FBN2: variants seen among roughly 807,000 people sequenced by gnomAD.
FBN2 encodes the protein fibrillin 2.
FBN2 carries 105 observed loss-of-function variants against 355.6 expected under a neutral mutation model. That is an observed-to-expected ratio of 0.30 (90% CI 0.25 to 0.35). The LOEUF (loss-of-function observed/expected upper bound fraction) is 0.35, where lower values mean the gene tolerates loss of function less well. Ranked by LOEUF, FBN2 falls within the 10% of genes least tolerant of loss-of-function variation. The pLI is 1.00. For missense variants in FBN2, 3,280 were observed against 3,758.7 expected (o/e 0.87, Z 3.33); for synonymous variants, 1,350 against 1,301.2 (o/e 1.04, Z -0.81).
At chr5:128,281,926 G>A (rs1487041994) in intron 55 of FBN2, among the ~76,000 whole-genome samples, 6 of 152,018 alleles carry the variant, frequency 3.9e-5, no homozygotes, top group Non-Finnish European at 5.9e-5. Context: ...TCCTGACCTC[G>A]TGATCCGCCT....
At chr5:128,455,987 C>CAACAAAAAAAA (rs1352635802) in intron 6 of FBN2, among the ~76,000 whole-genome samples, 13 of 5,288 alleles carry the variant, frequency 2.5e-3, no homozygotes, top group Non-Finnish European at 2.6e-3. Flanking sequence ...GGAGGGTTAG[C>CAACAAAAAAAA]AACAAAAAAA....
chr5:128,307,643 A>T (rs987025413), intron 41 of FBN2, among the ~76,000 whole-genome samples: 1 of 151,986 alleles, frequency 6.6e-6, no homozygotes, highest in African/African-American at 2.4e-5. Context: ...TAGGTAAACA[A>T]TGTATAATGA....
intron 23 of FBN2, among the ~76,000 whole-genome samples, chr5:128,348,044 C>T (rs1751233760): frequency 6.6e-6 from 1 of 152,124 alleles, no homozygotes; most frequent in Non-Finnish European, 1.5e-5. Context: ...GTCTCAGCCT[C>T]CCAAAGTGCT....
intron 23 of FBN2, among the ~76,000 whole-genome samples, chr5:128,347,789 T>G (rs992684181): frequency 6.6e-6 from 1 of 152,108 alleles, no homozygotes. Context: ...AAATGCTTTT[T>G]TTTTTTTGAG....
chr5:128,456,616 C>T (rs982075887), intron 6 of FBN2, among the ~76,000 whole-genome samples: 2 of 152,042 alleles, frequency 1.3e-5, no homozygotes, highest in African/African-American at 2.4e-5. Flanking sequence ...CTCTAGTCTC[C>T]TTGAGTGACA....
At chr5:128,405,226 T>C (rs572326599) in intron 8 of FBN2, among the ~76,000 whole-genome samples, 1 of 152,222 alleles carries the variant, frequency 6.6e-6, no homozygotes, top group Non-Finnish European at 1.5e-5. Flanking sequence ...ATACCTATTT[T>C]GGGACTTAAA....
intron 5 of FBN2, among the ~76,000 whole-genome samples, chr5:128,491,716 A>C (rs932474101): frequency 2.0e-5 from 3 of 152,224 alleles, no homozygotes; most frequent in African/African-American, 4.8e-5. Flanking sequence ...CAACAAAAAC[A>C]AGTCAACAAA....
intron 18 of FBN2, 112 bp from the exon 19 acceptor site, chr5:128,361,960 A>G (rs1172580045): frequency 6.4e-6 from 7 of 1,096,830 alleles, no homozygotes; most frequent in Non-Finnish European, 9.7e-6. Context: ...TCTCTGTGAC[A>G]TAGTCTCTGT....
rs374605983 is a variant in FBN2, at chr5:128,318,363, G to T, written c.4595-92C>A. 2.9e-5 allele frequency: 38 copies of T among 1,306,954 alleles called. 1 individual carries two copies. In the South Asian group the frequency reaches 4.4e-4, roughly 15 times the overall value. 81.0% of individuals were successfully genotyped at this position (1,306,954 alleles called of 1,614,324 possible). A position where few individuals can be genotyped will look rare whatever the true frequency, so the allele number is the denominator to read the frequency against. On this transcript the variant is annotated intron_variant, in intron 35 of 64. Coordinates refer to ENST00000262464, the MANE Select transcript of FBN2 (RefSeq NM_001999.4). The stretch of plus-strand genomic sequence containing the variant: ...AGAATTTGGTGGAATTTTTGCAAGT[G>T]AGTAGATTAAAGATCACTAGGAAAG...
chr5:128,455,725 C>A (rs1271169244), intron 6 of FBN2, among the ~76,000 whole-genome samples: 2 of 151,902 alleles, frequency 1.3e-5, no homozygotes, highest in African/African-American at 4.8e-5. Context: ...CTCCCCGCAG[C>A]TAAGGGAGGT....
intron 3 of FBN2, among the ~76,000 whole-genome samples, chr5:128,529,465 T>C (rs930423527): frequency 2.6e-5 from 4 of 152,122 alleles, no homozygotes; most frequent in African/African-American, 9.7e-5. Context: ...GGATGATGAT[T>C]GGGAGGGTTA....
At chr5:128,480,000 A>C (rs1453948228) in intron 5 of FBN2, among the ~76,000 whole-genome samples, 2,280 of 77,766 alleles carry the variant, frequency 0.029, 17 homozygotes, top group Non-Finnish European at 0.042. Context: ...ATATATATAT[A>C]TATATATATA....
Position 128,289,564 on chromosome 5 carries a change from C to A in FBN2, c.6512-312G>T, listed in dbSNP as rs181885265. Among the ~76,000 whole-genome samples the A allele has an allele frequency of 5.3e-5, 8 of 151,816 alleles. No individual in the cohort carries two copies. In the East Asian group the frequency reaches 1.4e-3, roughly 26 times the overall value. On this transcript the variant is annotated intron_variant, in intron 51 of 64. Transcript: ENST00000262464. ...GATCGCACCACTGCATTCCAGCGGGCAACAGAGTGAGACTCCACCTCAAAA... is the reference window on the plus strand; with the variant it reads ...GATCGCACCACTGCATTCCAGCGGGAAACAGAGTGAGACTCCACCTCAAAA...
intron 6 of FBN2, among the ~76,000 whole-genome samples, chr5:128,457,796 G>T (rs372589155): frequency 7.6e-4 from 113 of 149,548 alleles, no homozygotes; most frequent in African/African-American, 2.8e-3. Flanking sequence ...AAGAGCTCAT[G>T]AAAGAAGCAC....
At chr5:128,313,875 A>C (rs75341771) in intron 36 of FBN2, among the ~76,000 whole-genome samples, 2 of 151,328 alleles carry the variant, frequency 1.3e-5, no homozygotes, top group South Asian at 2.1e-4. Context: ...AAAAAAAAAA[A>C]ACATATCTGG....
At chr5:128,366,658 T>C (rs549633822) in intron 16 of FBN2, among the ~76,000 whole-genome samples, 2 of 152,212 alleles carry the variant, frequency 1.3e-5, no homozygotes, top group East Asian at 1.9e-4. Context: ...ATATTATTAA[T>C]ACATATAAAT....
intron 5 of FBN2, among the ~76,000 whole-genome samples, chr5:128,479,827 T>C (rs1755104479): frequency 6.6e-6 from 1 of 150,962 alleles, no homozygotes; most frequent in South Asian, 2.1e-4. Context: ...CTTAGGAAGC[T>C]GAAGTGAGAG....
intron 18 of FBN2, 149 bp downstream of exon 18, chr5:128,364,451 T>C: frequency 1.2e-6 from 1 of 805,920 alleles, no homozygotes; most frequent in Non-Finnish European, 1.9e-6. Flanking sequence ...TTTGTTTGAT[T>C]CTGATATTTT....
intron 10 of FBN2, 147 bp downstream of exon 10, chr5:128,392,986 CTG>C (rs1561434126): frequency 8.5e-6 from 6 of 702,216 alleles, no homozygotes; most frequent in Non-Finnish European, 1.5e-5. Context: ...ACTTTTCCCT[CTG>C]TCTCTCTCTC....
Sources: gnomAD v4.1 joint callset for allele counts (sites outside exome capture counted in the v4.1 genomes callset) on GRCh38, gnomAD v4.1.1 for gene constraint, MANE v1.5 for transcripts, NCBI Gene and HGNC (gene_info 2026-07-23, HGNC 2026-07-21) for gene names.